The following MYO3B variants were observed in gnomAD, a reference collection of about 807,000 sequenced individuals.
MYO3B encodes myosin IIIB.
MYO3B carries 156 observed loss-of-function variants against 174.6 expected under a neutral mutation model. That is an observed-to-expected ratio of 0.89 (90% CI 0.78 to 1.02). The LOEUF is 1.02. Among genes scored for constraint, MYO3B ranks in the 50% least tolerant of loss-of-function variants. The pLI is 0.00. For synonymous variants in MYO3B, 563 were observed against 569.1 expected (o/e 0.99, Z 0.15); for missense variants, 1,632 against 1,639.4 (o/e 1.00, Z 0.08).
intron 7 of MYO3B, among the ~76,000 whole-genome samples, chr2:170,319,575 C>T (rs1482494532): frequency 1.3e-5 from 2 of 152,170 alleles, no homozygotes; most frequent in Non-Finnish European, 2.9e-5. Flanking sequence ...TGTAAAGGAA[C>T]TTCCAGAAGG....
At chr2:170,240,394 T>A (rs921998976) in intron 7 of MYO3B, among the ~76,000 whole-genome samples, 1 of 152,166 alleles carries the variant, frequency 6.6e-6, no homozygotes, top group Non-Finnish European at 1.5e-5. Context: ...AGAAATGCAT[T>A]TAATCCCCAC....
At chr2:170,220,058 A>G (rs550798624) in intron 6 of MYO3B, among the ~76,000 whole-genome samples, 3 of 152,186 alleles carry the variant, frequency 2.0e-5, no homozygotes, top group African/African-American at 4.8e-5. Flanking sequence ...GGAGATCGAG[A>G]CCATCCTGGC....
intron 3 of MYO3B, among the ~76,000 whole-genome samples, chr2:170,201,973 G>A (rs889379086): frequency 1.3e-5 from 2 of 152,134 alleles, no homozygotes; most frequent in Non-Finnish European, 2.9e-5. Context: ...GAATTTTCGA[G>A]GGCCTAAAAA....
At chr2:170,514,696 G>A (rs1688194271) in intron 28 of MYO3B, among the ~76,000 whole-genome samples, 1 of 152,180 alleles carries the variant, frequency 6.6e-6, no homozygotes, top group African/African-American at 2.4e-5. Context: ...AATCTGGCCA[G>A]AACAATTATT....
chr2:170,507,983 A>G (rs1231409019), intron 28 of MYO3B, among the ~76,000 whole-genome samples: 2 of 152,252 alleles, frequency 1.3e-5, no homozygotes, highest in African/African-American at 2.4e-5. Context: ...CTAGGATTAA[A>G]TAAGCCAGAG....
chr2:170,326,264 A>G (rs1304940557), intron 7 of MYO3B, among the ~76,000 whole-genome samples: 2 of 152,152 alleles, frequency 1.3e-5, no homozygotes. Flanking sequence ...GAATTTGATG[A>G]TGGAAAAGCA....
At chr2:170,243,327 C>G (rs778547414) in intron 7 of MYO3B, among the ~76,000 whole-genome samples, 10 of 152,182 alleles carry the variant, frequency 6.6e-5, no homozygotes, top group Non-Finnish European at 1.3e-4. Context: ...GGCTCTGGTC[C>G]ATGTTGTTTC....
intron 22 of MYO3B, among the ~76,000 whole-genome samples, chr2:170,417,301 T>C (rs956458237): frequency 1.3e-5 from 2 of 152,198 alleles, no homozygotes; most frequent in African/African-American, 4.8e-5. Flanking sequence ...CCCCACTCCA[T>C]GCTAGCCTGT....
intron 32 of MYO3B, among the ~76,000 whole-genome samples, chr2:170,596,933 G>A (rs532805661): frequency 6.6e-6 from 1 of 152,278 alleles, no homozygotes; most frequent in South Asian, 2.1e-4. Context: ...TCATGAAGTT[G>A]GTTTTCTGTC....
intron 7 of MYO3B, among the ~76,000 whole-genome samples, chr2:170,310,665 C>CAAAAAAAAAAAA (rs746315736): frequency 2.6e-4 from 16 of 61,426 alleles, no homozygotes; most frequent in Non-Finnish European, 3.7e-4. Flanking sequence ...GACTCCATCT[C>CAAAAAAAAAAAA]AAAAAAAAAA....
intron 22 of MYO3B, among the ~76,000 whole-genome samples, chr2:170,435,216 G>GT (rs1240384172): frequency 6.6e-6 from 1 of 152,222 alleles, no homozygotes; most frequent in Non-Finnish European, 1.5e-5. Context: ...CAAGGTCAGA[G>GT]TTTGTTGAGA....
At chr2:170,287,357 G>T (rs910634731) in intron 7 of MYO3B, among the ~76,000 whole-genome samples, 3 of 151,428 alleles carry the variant, frequency 2.0e-5, no homozygotes, top group Non-Finnish European at 4.4e-5. Flanking sequence ...AGGGTATCAG[G>T]GTTCTCTTTT....
At chr2:170,318,675 A>G (rs1021233368) in intron 7 of MYO3B, among the ~76,000 whole-genome samples, 15 of 152,188 alleles carry the variant, frequency 9.9e-5, no homozygotes, top group African/African-American at 3.6e-4. Flanking sequence ...GCAGAGCAGG[A>G]GGTACCTCTA....
chr2:170,309,484 T>C (rs2093723462), intron 7 of MYO3B, among the ~76,000 whole-genome samples: 1 of 152,218 alleles, frequency 6.6e-6, no homozygotes, highest in Admixed American at 6.5e-5. Context: ...CTAATATTTT[T>C]TGCATCTTCA....
At chr2:170,319,865 G>A (rs2093802790) in intron 7 of MYO3B, among the ~76,000 whole-genome samples, 2 of 152,088 alleles carry the variant, frequency 1.3e-5, no homozygotes, top group African/African-American at 4.8e-5. Flanking sequence ...GAAGGCAGTG[G>A]GATGACATAT....
rs769333045 is a variant in MYO3B, at chr2:170,401,732, A to G, written c.2129+41A>G. On this transcript the variant is annotated intron_variant, in intron 18 of 34. Transcript: ENST00000408978. ...AGCAGAGGGTCTCAGGAGAGCTGTC[A>G]TTGACCCCGCCGTCTCTTAGAGTTT... The G allele has an allele frequency of 1.1e-5, 18 of 1,570,250 alleles. No individual in the cohort carries two copies. In the East Asian group the frequency reaches 2.7e-4, roughly 24 times the overall value.
At chr2:170,571,914 T>C (rs1324145484) in intron 32 of MYO3B, among the ~76,000 whole-genome samples, 1 of 152,164 alleles carries the variant, frequency 6.6e-6, no homozygotes. Context: ...AACATGATGA[T>C]GAAATGATGC....
intron 7 of MYO3B, among the ~76,000 whole-genome samples, chr2:170,257,322 A>G (rs1432991658): frequency 6.6e-6 from 1 of 152,148 alleles, no homozygotes; most frequent in East Asian, 1.9e-4. Flanking sequence ...ACTCTGATCA[A>G]CTGCATTCTC....
At chr2:170,500,014 G>C in intron 27 of MYO3B, among the ~76,000 whole-genome samples, 1 of 144,082 alleles carries the variant, frequency 6.9e-6, no homozygotes, top group East Asian at 2.2e-4. Context: ...TGTGTATCAA[G>C]TGCCTACTAC....
Sources: gnomAD v4.1 joint callset for allele counts (sites outside exome capture counted in the v4.1 genomes callset) on GRCh38, gnomAD v4.1.1 for gene constraint, MANE v1.5 for transcripts, NCBI Gene and HGNC (gene_info 2026-07-23, HGNC 2026-07-21) for gene names.